SYT16: variants seen among roughly 807,000 people sequenced by gnomAD.
The protein encoded by SYT16 is synaptotagmin-16.
In SYT16, 42 loss-of-function variants were observed where a neutral mutation model predicts 61.4. The ratio of observed to expected loss-of-function variants is 0.68; its 90% CI spans 0.53 to 0.89. The LOEUF (loss-of-function observed/expected upper bound fraction) is 0.89, where lower values mean the gene tolerates loss of function less well. Ranked by LOEUF, SYT16 falls within the 40% of genes least tolerant of loss-of-function variation. The pLI is 0.00. For missense variants in SYT16, 804 were observed against 807.3 expected (o/e 1.00, Z 0.05); for synonymous variants, 314 against 302.3 (o/e 1.04, Z -0.40).
At chr14:61,864,871 G>T (rs113875777) in intron 1 of SYT16, 1 of 1,187,012 alleles carries the variant, frequency 8.4e-7, no homozygotes, top group South Asian at 1.3e-5. Context: ...AGCCACCCCC[G>T]GCGGAGACAG....
chr14:62,061,202 G>A (rs960010339), intron 3 of SYT16, among the ~76,000 whole-genome samples: 4 of 151,948 alleles, frequency 2.6e-5, no homozygotes, highest in African/African-American at 4.8e-5. Context: ...GATTCACTTA[G>A]GACACAATCC....
intron 1 of SYT16, among the ~76,000 whole-genome samples, chr14:61,840,137 A>G (rs1298439269): frequency 6.6e-6 from 1 of 152,190 alleles, no homozygotes; most frequent in African/African-American, 2.4e-5. Flanking sequence ...AGAATTTTTC[A>G]AGTTTAGACA....
intron 1 of SYT16, among the ~76,000 whole-genome samples, chr14:61,858,138 AAAAAAGAAAGAAAAAAAG>A (rs2046840378): frequency 2.0e-5 from 3 of 148,792 alleles, no homozygotes; most frequent in African/African-American, 7.6e-5. Context: ...AAAAAAAAAA[AAAAAAGAAAGAAAAAAAG>A]AAAAAAAAAA....
chr14:62,100,376 C>A lies in SYT16; in HGVS notation c.1625-18C>A. 1 of 1,286,628 alleles carries A rather than the reference C, an allele frequency of 7.8e-7. No individual in the cohort carries two copies. Among genetic ancestry groups the A allele is most frequent in the Non-Finnish European group, 1.1e-6 (1 of 948,386 alleles). The allele number at this position is 1,286,628 out of a possible 1,614,324, so 79.7% of individuals were successfully genotyped here. On this transcript the variant is annotated intron_variant, in intron 7 of 7. Coordinates refer to ENST00000683842, the MANE Select transcript of SYT16 (RefSeq NM_001367656.1). ...TGTTTCTTATCATCCCCACCCCACC[C>A]TTTTTTTTTTGTCTTAGATACATAT...
chr14:62,016,013 T>G (rs140882591), intron 3 of SYT16, among the ~76,000 whole-genome samples: 2 of 152,328 alleles, frequency 1.3e-5, no homozygotes, highest in African/African-American at 4.8e-5. Flanking sequence ...TGCACAGGTG[T>G]GGCTAACATG....
chr14:61,978,134 A>G (rs1056695228), intron 2 of SYT16, among the ~76,000 whole-genome samples: 4 of 152,192 alleles, frequency 2.6e-5, no homozygotes, highest in African/African-American at 7.2e-5. Context: ...TACATCTGCA[A>G]TGAAAGACCC....
At chr14:61,949,429 A>G (rs2050578452) in intron 1 of SYT16, among the ~76,000 whole-genome samples, 1 of 152,160 alleles carries the variant, frequency 6.6e-6, no homozygotes. Flanking sequence ...GTTAAATCTC[A>G]TATATTTTTT....
chr14:61,949,296 C>T (rs1425737797), intron 1 of SYT16, among the ~76,000 whole-genome samples: 1 of 152,180 alleles, frequency 6.6e-6, no homozygotes, highest in Non-Finnish European at 1.5e-5. Flanking sequence ...TACACTAGAC[C>T]AGAATCTCCT....
intron 1 of SYT16, among the ~76,000 whole-genome samples, chr14:61,944,486 C>T (rs1375115184): frequency 2.0e-5 from 3 of 152,142 alleles, no homozygotes; most frequent in Admixed American, 6.5e-5. Context: ...TCTAACTATA[C>T]TACAAGGCTA....
chr14:61,833,970 A>ATTTTTTTTTTTTTTTT (rs544826072), intron 1 of SYT16, among the ~76,000 whole-genome samples: 1 of 117,292 alleles, frequency 8.5e-6, no homozygotes, highest in African/African-American at 3.2e-5. Flanking sequence ...TCTGGCTTTG[A>ATTTTTTTTTTTTTTTT]TTTTTTTTTT....
intron 3 of SYT16, among the ~76,000 whole-genome samples, chr14:62,003,286 G>A (rs896797000): frequency 1.6e-4 from 24 of 152,090 alleles, no homozygotes; most frequent in African/African-American, 4.1e-4. Context: ...CTCTCCACCC[G>A]TCTTTCTTGT....
chr14:61,994,549 A>G (rs1367579793), intron 2 of SYT16, among the ~76,000 whole-genome samples: 2 of 152,202 alleles, frequency 1.3e-5, no homozygotes, highest in Non-Finnish European at 2.9e-5. Flanking sequence ...GTTAATTGAA[A>G]TGTAGGGATG....
At chr14:61,913,704 TTGTGTGTG>T (rs56758661) in intron 1 of SYT16, among the ~76,000 whole-genome samples, 29 of 145,880 alleles carry the variant, frequency 2.0e-4, no homozygotes, top group African/African-American at 6.4e-4. Flanking sequence ...CTTTGGGTCT[TTGTGTGTG>T]TGTGTGTGTG....
At chr14:62,051,906 C>T (rs546013408) in intron 3 of SYT16, among the ~76,000 whole-genome samples, 1 of 152,122 alleles carries the variant, frequency 6.6e-6, no homozygotes, top group East Asian at 1.9e-4. Flanking sequence ...GTGGCACACA[C>T]CTGTAGTCTC....
At chr14:61,968,217 C>T (rs992775671) in intron 1 of SYT16, among the ~76,000 whole-genome samples, 4 of 151,960 alleles carry the variant, frequency 2.6e-5, no homozygotes, top group East Asian at 1.9e-4. Flanking sequence ...GCCAGGATCG[C>T]GCCACTGCAT....
Position 61,946,320 on chromosome 14 carries a change from T to C in SYT16, c.-324-23812T>C, listed in dbSNP as rs146847387. 5.9e-3 allele frequency among the ~76,000 whole-genome samples: 892 copies of C among 152,256 alleles called. 12 individuals carry two copies. The highest frequency in any genetic ancestry group is 0.021 in the African/African-American group (866 of 41,556). On this transcript the variant is annotated intron_variant, in intron 1 of 7. Coordinates refer to ENST00000683842, the MANE Select transcript of SYT16 (RefSeq NM_001367656.1). ...GTCAAATACTGCATGTTCTCACTTA[T>C]AAGTGGGAGCTAAACAATAAGTACA...
chr14:61,855,162 C>A (rs2046736021), intron 1 of SYT16, among the ~76,000 whole-genome samples: 1 of 152,162 alleles, frequency 6.6e-6, no homozygotes, highest in African/African-American at 2.4e-5. Flanking sequence ...CAAAAGGTGA[C>A]TTAGGGCATA....
intron 1 of SYT16, among the ~76,000 whole-genome samples, chr14:61,843,332 G>C (rs1280042758): frequency 1.3e-5 from 2 of 152,138 alleles, no homozygotes; most frequent in African/African-American, 4.8e-5. Context: ...GATCAATGAT[G>C]TTGAACACCT....
Position 62,100,855 on chromosome 14 carries a change from T to C in SYT16, c.*148T>C. On this transcript the variant is annotated 3_prime_UTR_variant, in exon 8 of 8. Coordinates refer to ENST00000683842, the MANE Select transcript of SYT16 (RefSeq NM_001367656.1). ...ATTGTGAGTGGGAGTTTTGGGTTTC[T>C]CAATGGTCTGATTTGGATTTAAATA... 5 of 733,574 alleles carry C rather than the reference T, an allele frequency of 6.8e-6. No individual in the cohort carries two copies. Among genetic ancestry groups the C allele is most frequent in the South Asian group, 5.8e-5 (3 of 51,496 alleles). 45.4% of individuals were successfully genotyped at this position (733,574 alleles called of 1,614,324 possible).
Sources: allele counts gnomAD v4.1 joint callset (sites outside exome capture counted in the v4.1 genomes callset), GRCh38; gene constraint gnomAD v4.1.1; transcripts MANE v1.5; gene names NCBI Gene and HGNC (gene_info 2026-07-23, HGNC 2026-07-21).